SIK2: variants seen among roughly 807,000 people sequenced by gnomAD.
SIK2 encodes the protein serine/threonine-protein kinase SIK2.
In SIK2, 29 loss-of-function variants were observed where a neutral mutation model predicts 103.2. The ratio of observed to expected loss-of-function variants is 0.28; its 90% CI spans 0.21 to 0.38. SIK2 has a LOEUF of 0.38. SIK2 is among the 10% of genes least tolerant of loss of function. SIK2 has a pLI of 1.00. For missense variants in SIK2, 879 were observed against 1,171.0 expected (o/e 0.75, Z 3.64); for synonymous variants, 412 against 446.1 (o/e 0.92, Z 0.96).
intron 3 of SIK2, among the ~76,000 whole-genome samples, chr11:111,679,007 A>G (rs1942743953): frequency 6.6e-6 from 1 of 152,210 alleles, no homozygotes; most frequent in African/African-American, 2.4e-5. Flanking sequence ...TCAGTTCAAA[A>G]TCAGGCTTGT....
At chr11:111,711,255 A>G (rs955892837) in intron 8 of SIK2, among the ~76,000 whole-genome samples, 1 of 151,798 alleles carries the variant, frequency 6.6e-6, no homozygotes, top group Non-Finnish European at 1.5e-5. Context: ...AGTAGCTGGG[A>G]CTACAGGCAC....
At chr11:111,661,790 T>C (rs1402037644) in intron 3 of SIK2, among the ~76,000 whole-genome samples, 1 of 152,194 alleles carries the variant, frequency 6.6e-6, no homozygotes, top group Admixed American at 6.5e-5. Context: ...GCAGAGGAAC[T>C]GCCCTTTATA....
At chr11:111,625,067 G>A (rs1045493044) in intron 3 of SIK2, among the ~76,000 whole-genome samples, 2 of 152,190 alleles carry the variant, frequency 1.3e-5, no homozygotes, top group African/African-American at 2.4e-5. Context: ...AAGAACAGTA[G>A]AAGAGGAGGT....
intron 3 of SIK2, among the ~76,000 whole-genome samples, chr11:111,685,731 T>C (rs1402304552): frequency 6.6e-6 from 1 of 152,122 alleles, no homozygotes; most frequent in Non-Finnish European, 1.5e-5. Flanking sequence ...GCATCTGTAG[T>C]CCCAGCTGCT....
intron 4 of SIK2, among the ~76,000 whole-genome samples, chr11:111,698,739 C>T (rs1476158989): frequency 6.6e-6 from 1 of 152,150 alleles, no homozygotes; most frequent in Non-Finnish European, 1.5e-5. Flanking sequence ...AGAAAAACAA[C>T]CTTACCAGTG....
chr11:111,671,702 T>C, intron 3 of SIK2: 1 of 396,178 alleles, frequency 2.5e-6, no homozygotes, highest in Non-Finnish European at 4.9e-6. Context: ...ATCTCCTTCA[T>C]ACAGCTGCTT....
At chr11:111,682,373 C>G (rs1942788710) in intron 3 of SIK2, among the ~76,000 whole-genome samples, 1 of 152,074 alleles carries the variant, frequency 6.6e-6, no homozygotes, top group African/African-American at 2.4e-5. Context: ...GGTACTGTTC[C>G]AGCGTAAAAG....
rs183122231 is a variant in SIK2, at chr11:111,622,501, G to A, written c.316+2099G>A. On this transcript the variant is annotated intron_variant, in intron 3 of 14. Transcript: ENST00000304987. The stretch of plus-strand genomic sequence containing the variant: ...GATCACCTGACATCGTGATCCGCCC[G>A]CCTCAGCCTCCCAAAGTGCTGGGAT... 3.6e-3 allele frequency among the ~76,000 whole-genome samples: 552 copies of A among 152,108 alleles called. 3 individuals carry two copies. Among genetic ancestry groups the A allele is most frequent in the African/African-American group, 0.012 (516 of 41,542 alleles).
At chr11:111,717,763 T>C (rs1028997203) in intron 9 of SIK2, among the ~76,000 whole-genome samples, 28 of 152,112 alleles carry the variant, frequency 1.8e-4, no homozygotes, top group Non-Finnish European at 1.3e-4. Flanking sequence ...CATGCATACA[T>C]AGAAAGGAAT....
intron 4 of SIK2, among the ~76,000 whole-genome samples, chr11:111,692,350 CAAAAAAAAAAAAAAAAAAAAAAA>C (rs763369049): frequency 1.5e-3 from 41 of 26,488 alleles, no homozygotes; most frequent in African/African-American, 2.7e-3. Flanking sequence ...GACTCAGTCT[CAAAAAAAAAAAAAAAAAAAAAAA>C]AAAAAAAAAA....
intron 2 of SIK2, among the ~76,000 whole-genome samples, chr11:111,618,000 A>G (rs1941831772): frequency 6.6e-6 from 1 of 152,092 alleles, no homozygotes; most frequent in South Asian, 2.1e-4. Flanking sequence ...TCCTGGGCTC[A>G]AAGGATCCTC....
At chr11:111,703,600 T>C (rs1943268653) in intron 7 of SIK2, among the ~76,000 whole-genome samples, 177 bp downstream of exon 7, 1 of 152,230 alleles carries the variant, frequency 6.6e-6, no homozygotes, top group Admixed American at 6.5e-5. Context: ...GCATCTTAAA[T>C]TCCTTTCTTT....
intron 3 of SIK2, among the ~76,000 whole-genome samples, chr11:111,659,592 C>T (rs975022833): frequency 1.3e-5 from 2 of 150,904 alleles, no homozygotes; most frequent in African/African-American, 5.0e-5. Flanking sequence ...GTCGCTTATT[C>T]CTTTTACAAT....
chr11:111,632,087 C>G (rs1039062565), intron 3 of SIK2, among the ~76,000 whole-genome samples: 1 of 151,940 alleles, frequency 6.6e-6, no homozygotes, highest in African/African-American at 2.4e-5. Context: ...AAACAATTGT[C>G]AGGAGGAAAA....
At position 111,681,567 on chromosome 11, in the gene SIK2, C is replaced by T. The variant is rs953183524; in HGVS notation, c.317-6434C>T. Among the ~76,000 whole-genome samples, 5 of 152,034 alleles carry T rather than the reference C, an allele frequency of 3.3e-5. No homozygotes were observed. The East Asian group carries it at 5.8e-4, about 18-fold the overall frequency. ...ATCATGAAAGAAAGAAAAAAGAAAG[C>T]TGGGAAATAAACACACAATCTTAAT... On this transcript the variant is annotated intron_variant, in intron 3 of 14. Coordinates refer to ENST00000304987, the MANE Select transcript of SIK2 (RefSeq NM_015191.3).
intron 1 of SIK2, among the ~76,000 whole-genome samples, chr11:111,606,711 G>C (rs1008277359): frequency 6.6e-6 from 1 of 152,076 alleles, no homozygotes; most frequent in South Asian, 2.1e-4. Flanking sequence ...GAAATTGCTG[G>C]TAAAGTCCTA....
In SIK2 at chr11:111,602,983, G is replaced by T. The variant is rs1941604238; in HGVS notation, c.135+285G>T. Among the ~76,000 whole-genome samples, 1 of 147,784 alleles carries T rather than the reference G, an allele frequency of 6.8e-6. No individual in the cohort carries two copies. The highest frequency in any genetic ancestry group is 1.5e-5 in the Non-Finnish European group (1 of 66,470). ...ACCCCCGGTGGCCACCCGGAATTTC[G>T]CCCAGAGCCCCCCACCCGGGCCGTG... On this transcript the variant is annotated intron_variant, in intron 1 of 14. Coordinates refer to ENST00000304987, the MANE Select transcript of SIK2 (RefSeq NM_015191.3). The surrounding 1 kb of genome is among the most constrained non-coding windows in gnomAD (Gnocchi z 4.5).
chr11:111,715,381 G>GT (rs1943611221), intron 9 of SIK2, among the ~76,000 whole-genome samples: 1 of 152,160 alleles, frequency 6.6e-6, no homozygotes, highest in Non-Finnish European at 1.5e-5. Context: ...TGCATTTACT[G>GT]TAACACCCAT....
intron 4 of SIK2, among the ~76,000 whole-genome samples, chr11:111,698,479 C>T (rs1467966472): frequency 6.6e-6 from 1 of 152,228 alleles, no homozygotes; most frequent in Non-Finnish European, 1.5e-5. Flanking sequence ...TGGTGGCTCA[C>T]ACCTGTAATC....
Sources: allele counts gnomAD v4.1 joint callset (sites outside exome capture counted in the v4.1 genomes callset), GRCh38; gene constraint gnomAD v4.1.1; non-coding constraint Gnocchi (gnomAD v3.1); transcripts MANE v1.5; gene names NCBI Gene and HGNC (gene_info 2026-07-23, HGNC 2026-07-21).